SPSB4: variants seen among roughly 807,000 people sequenced by gnomAD.
SPSB4 encodes the protein splA/ryanodine receptor domain and SOCS box containing 4, also known as SPRY domain-containing SOCS box protein 4.
SPSB4 carries 21 observed loss-of-function variants against 20.9 expected under a neutral mutation model. The observed-to-expected ratio is 1.01, with a 90% CI of 0.71 to 1.45. SPSB4 has a LOEUF of 1.45. Ranked by LOEUF, SPSB4 falls within the 40% of genes most tolerant of loss-of-function variation. The probability of loss-of-function intolerance (pLI) is 0.00; values close to 1 mark genes in which losing one functional copy is unlikely to be tolerated. For synonymous variants in SPSB4, 207 were observed against 183.8 expected (o/e 1.13, Z -1.02); for missense variants, 399 against 399.2 (o/e 1.00, Z 0.00).
At chr3:141,095,289 G>A (rs1559847646) in intron 2 of SPSB4, among the ~76,000 whole-genome samples, 1 of 152,178 alleles carries the variant, frequency 6.6e-6, no homozygotes, top group Non-Finnish European at 1.5e-5. Flanking sequence ...GCTACTGCGA[G>A]GCGGAAAATT....
At chr3:141,085,980 C>T (rs971594647) in intron 2 of SPSB4, among the ~76,000 whole-genome samples, 1 of 152,218 alleles carries the variant, frequency 6.6e-6, no homozygotes, top group Admixed American at 6.5e-5. Flanking sequence ...CATTGCCCTT[C>T]AGCAGGGCTT....
intron 2 of SPSB4, among the ~76,000 whole-genome samples, chr3:141,087,131 C>T (rs750104714): frequency 2.8e-4 from 43 of 152,174 alleles, no homozygotes; most frequent in African/African-American, 8.2e-4. Context: ...TGCAGGACCC[C>T]GACCCTTATT....
chr3:141,064,591 C>A lies in SPSB4; in HGVS notation c.-153-1361C>A, dbSNP rs757856423. On this transcript the variant is annotated intron_variant, in intron 1 of 2. Transcript: ENST00000310546. ...TGTGTGGCAGCAGAGTTCTTTTCGT[C>A]CCTACCTGGACTTTGGCTAGGGGTG... Among the ~76,000 whole-genome samples, 5 of 152,080 alleles carry A rather than the reference C, an allele frequency of 3.3e-5. 1 individual carries two copies. The South Asian group carries it at 1.0e-3, about 32-fold the overall frequency.
At chr3:141,102,885 C>G (rs1055381122) in intron 2 of SPSB4, among the ~76,000 whole-genome samples, 1 of 152,158 alleles carries the variant, frequency 6.6e-6, no homozygotes, top group African/African-American at 2.4e-5. Flanking sequence ...CTAGGGCAGC[C>G]AAGCCTGCCC....
At chr3:141,139,248 T>G (rs1273040364) in intron 2 of SPSB4, among the ~76,000 whole-genome samples, 1 of 152,150 alleles carries the variant, frequency 6.6e-6, no homozygotes, top group Non-Finnish European at 1.5e-5. Context: ...TGAGATGGGT[T>G]TCCTGAACAC....
intron 2 of SPSB4, among the ~76,000 whole-genome samples, chr3:141,131,279 T>C (rs1267937651): frequency 6.6e-6 from 1 of 152,062 alleles, no homozygotes; most frequent in African/African-American, 2.4e-5. Flanking sequence ...TTTTTCCCAT[T>C]AGGGCAGGCA....
intron 2 of SPSB4, among the ~76,000 whole-genome samples, chr3:141,082,619 C>CTATG (rs201039584): frequency 0.18 from 13,689 of 77,478 alleles, 797 homozygotes; most frequent in East Asian, 0.27. Context: ...AACCCAGGTG[C>CTATG]TATCTATCTA....
rs79504218 is a variant in SPSB4 at position 141,105,557 on chromosome 3, G to T, written c.694+38759G>T. On this transcript the variant is annotated intron_variant, in intron 2 of 2. Transcript: ENST00000310546. ...CGAGGATGCAGCAGCCCTGTCTGGC[G>T]TAGTATTGAATCCATTGTTACAGAT... Among the ~76,000 whole-genome samples the T allele has an allele frequency of 5.1e-4, 77 of 152,288 alleles. No homozygotes were observed. In the East Asian group the frequency reaches 0.013, roughly 26 times the overall value.
intron 2 of SPSB4, among the ~76,000 whole-genome samples, chr3:141,143,420 G>A (rs1421727746): frequency 6.6e-6 from 1 of 152,194 alleles, no homozygotes; most frequent in African/African-American, 2.4e-5. Context: ...GGGCTACCAG[G>A]CTCTTGGCTG....
chr3:141,128,847 C>T (rs1939091289), intron 2 of SPSB4, among the ~76,000 whole-genome samples: 1 of 152,150 alleles, frequency 6.6e-6, no homozygotes, highest in Admixed American at 6.5e-5. Context: ...TTAAATTGTT[C>T]CATTCTACCT....
intron 2 of SPSB4, among the ~76,000 whole-genome samples, chr3:141,141,543 C>T (rs1939329569): frequency 6.6e-6 from 1 of 152,212 alleles, no homozygotes; most frequent in Non-Finnish European, 1.5e-5. Flanking sequence ...CAGGAGCTTT[C>T]CCTGACACAG....
intron 2 of SPSB4, among the ~76,000 whole-genome samples, chr3:141,134,035 C>CTTTTTTTTTTTTTCTTTTTTTTTTTTTT (rs1939182572): frequency 2.1e-5 from 1 of 46,764 alleles, no homozygotes. Context: ...TTTTTCTTTT[C>CTTTTTTTTTTTTTCTTTTTTTTTTTTTT]TTTTTTTTTT....
intron 2 of SPSB4, among the ~76,000 whole-genome samples, chr3:141,112,745 T>C (rs1450373351): frequency 6.8e-6 from 1 of 147,962 alleles, no homozygotes; most frequent in Non-Finnish European, 1.5e-5. Flanking sequence ...ATCATAACCC[T>C]AGATGGGTTA....
At chr3:141,121,975 C>A (rs1414411709) in intron 2 of SPSB4, among the ~76,000 whole-genome samples, 4 of 152,200 alleles carry the variant, frequency 2.6e-5, no homozygotes, top group Non-Finnish European at 5.9e-5. Context: ...GATCTGCAAT[C>A]CTTTAGAGGA....
rs542069010 is a variant in SPSB4, at chr3:141,130,247, T to C, written c.695-16895T>C. Among the ~76,000 whole-genome samples, 13 of 152,258 alleles carry C rather than the reference T, an allele frequency of 8.5e-5. No homozygotes were observed. In the South Asian group the frequency reaches 2.1e-3, roughly 24 times the overall value. On this transcript the variant is annotated intron_variant, in intron 2 of 2. Transcript: ENST00000310546. ...CAAGTCATTGAGGAAGAGATGACACTTGATTTGAGTCCAGAAAGATGAGGC... is the reference window on the plus strand; with the variant it reads ...CAAGTCATTGAGGAAGAGATGACACCTGATTTGAGTCCAGAAAGATGAGGC...
rs138618845 is a variant in SPSB4, at chr3:141,093,900, C to T, written c.694+27102C>T. Among the ~76,000 whole-genome samples the T allele has an allele frequency of 1.9e-3, 293 of 152,306 alleles. 1 individual carries two copies. Among genetic ancestry groups the T allele is most frequent in the African/African-American group, 6.8e-3 (282 of 41,572 alleles). ...CCTCTTCTAATACCACACAGGTCTC[C>T]CATGTGACCTTGTTCTGGTCACTGC... is the stretch of plus-strand genomic sequence containing the variant. On this transcript the variant is annotated intron_variant, in intron 2 of 2. Coordinates refer to ENST00000310546, the MANE Select transcript of SPSB4 (RefSeq NM_080862.3).
At chr3:141,139,206 C>G (rs1939280189) in intron 2 of SPSB4, among the ~76,000 whole-genome samples, 1 of 152,052 alleles carries the variant, frequency 6.6e-6, no homozygotes, top group African/African-American at 2.4e-5. Context: ...TCCTCCATCC[C>G]TTTATTTTGA....
intron 2 of SPSB4, among the ~76,000 whole-genome samples, chr3:141,102,141 A>G (rs1049115997): frequency 1.3e-5 from 2 of 152,258 alleles, no homozygotes; most frequent in African/African-American, 4.8e-5. Flanking sequence ...AGAAAGAGCA[A>G]GAAATCGGAG....
chr3:141,060,491 G>C (rs1400915472), intron 1 of SPSB4, among the ~76,000 whole-genome samples: 2 of 152,190 alleles, frequency 1.3e-5, no homozygotes, highest in Non-Finnish European at 2.9e-5. Context: ...CCACTTCCTG[G>C]CTGTGTGACC....
Sources: gnomAD v4.1 joint callset for allele counts (sites outside exome capture counted in the v4.1 genomes callset) on GRCh38, gnomAD v4.1.1 for gene constraint, MANE v1.5 for transcripts, NCBI Gene and HGNC (gene_info 2026-07-23, HGNC 2026-07-21) for gene names.